TMPRSS6: variants seen among roughly 807,000 people sequenced by gnomAD.
TMPRSS6 encodes the protein transmembrane serine protease 6.
In TMPRSS6, 67 loss-of-function variants were observed where a neutral mutation model predicts 101.5. That is an observed-to-expected ratio of 0.66 (90% CI 0.54 to 0.81). The LOEUF is 0.81. TMPRSS6 is among the 30% of genes least tolerant of loss of function. The pLI is 0.00. For missense variants in TMPRSS6, 1,034 were observed against 1,088.7 expected (o/e 0.95, Z 0.71); for synonymous variants, 453 against 464.9 (o/e 0.97, Z 0.33).
chr22:37,075,064 C>A, intron 11 of TMPRSS6, 71 bp downstream of exon 11: 3 of 1,611,678 alleles, frequency 1.9e-6, no homozygotes, highest in East Asian at 2.2e-5. Flanking sequence ...CCACAGCCCC[C>A]TTGGTGGTTC....
intron 2 of TMPRSS6, among the ~76,000 whole-genome samples, chr22:37,102,901 A>G (rs1261242359): frequency 6.6e-6 from 1 of 152,046 alleles, no homozygotes; most frequent in Non-Finnish European, 1.5e-5. Context: ...GGCGATGTTT[A>G]TGCTCTGTGG....
chr22:37,092,028 G>A (rs139099607), intron 6 of TMPRSS6, among the ~76,000 whole-genome samples: 136 of 152,114 alleles, frequency 8.9e-4, no homozygotes, highest in African/African-American at 3.0e-3. Context: ...TCTTCCTAGG[G>A]TTTTGTGTTC....
intron 13 of TMPRSS6, among the ~76,000 whole-genome samples, chr22:37,072,862 G>A (rs6000552): frequency 2.1e-5 from 3 of 145,034 alleles, no homozygotes; most frequent in Non-Finnish European, 4.7e-5. Flanking sequence ...ATGGATGATG[G>A]ATGGATGATG....
Position 37,101,057 on chromosome 22 carries a change from C to A in TMPRSS6, c.202+2159G>T, listed in dbSNP as rs1930271055. Among the ~76,000 whole-genome samples, 1 of 152,002 alleles carries A rather than the reference C, an allele frequency of 6.6e-6. No individual in the cohort carries two copies. The highest frequency in any genetic ancestry group is 2.4e-5 in the African/African-American group (1 of 41,360). ...AGAGGGAGCCAGGTTGGAAAGGGCA[C>A]AGAGAGACTGGGTGTGTGGACTGAC... On this transcript the variant is annotated intron_variant, in intron 2 of 17. Transcript: ENST00000676104. This position sits in a 1 kb window ranked among gnomAD's most constrained non-coding sequence, Gnocchi z 4.1.
chr22:37,104,544 T>C lies in TMPRSS6; in HGVS notation c.-1-1126A>G, dbSNP rs187552178. On this transcript the variant is annotated intron_variant, in intron 1 of 17. Coordinates refer to ENST00000676104, the MANE Select transcript of TMPRSS6 (RefSeq NM_001374504.1). The stretch of plus-strand genomic sequence containing the variant: ...GCAAACATCCCAATGTATTTGGCCT[T>C]TGACGCAGGTTTCCCCACAGTACAG... 3.4e-3 allele frequency among the ~76,000 whole-genome samples: 521 copies of C among 152,318 alleles called. 2 individuals are homozygous for C. Among genetic ancestry groups the C allele is most frequent in the African/African-American group, 0.012 (492 of 41,566 alleles).
At chr22:37,067,455 G>A (rs938814500) in intron 16 of TMPRSS6, among the ~76,000 whole-genome samples, 36 of 151,996 alleles carry the variant, frequency 2.4e-4, no homozygotes, top group East Asian at 3.9e-4. Flanking sequence ...CAACAAGAGC[G>A]AAACTCTGTC....
chr22:37,076,840 G>C (rs1319891078), intron 10 of TMPRSS6, among the ~76,000 whole-genome samples: 1 of 152,212 alleles, frequency 6.6e-6, no homozygotes, highest in East Asian at 1.9e-4. Flanking sequence ...TGCAGGGAGA[G>C]CTGAAAATGC....
At chr22:37,078,693 GGAA>G (rs1927893406) in intron 10 of TMPRSS6, among the ~76,000 whole-genome samples, 1 of 79,846 alleles carries the variant, frequency 1.3e-5, no homozygotes, top group Admixed American at 1.0e-4. Flanking sequence ...AAGAGGAAGA[GGAA>G]GAGGAAGAGG....
intron 3 of TMPRSS6, 152 bp from the exon 4 acceptor site, chr22:37,096,867 A>T: frequency 2.6e-6 from 2 of 778,584 alleles, no homozygotes; most frequent in Non-Finnish European, 4.4e-6. Flanking sequence ...CACAGTGCTG[A>T]GTGGCCGGGC....
rs1928000824 is a variant in TMPRSS6 at position 37,078,970 on chromosome 22, AG to A, written c.1197-3691del. Among the ~76,000 whole-genome samples the A allele has an allele frequency of 1.2e-4, 3 of 25,306 alleles. No homozygotes were observed. In the East Asian group the frequency reaches 2.1e-3, roughly 18 times the overall value. 16.6% of individuals were successfully genotyped at this position (25,306 alleles called of 152,430 possible). ...GAAGGAGAAAAAGAGAAAGAAAGAAAGAAAAAGAAAGAAAGAAAGAAAGAAA... is the reference window on the plus strand; with the variant it reads ...GAAGGAGAAAAAGAGAAAGAAAGAAAAAAAAGAAAGAAAGAAAGAAAGAAA... On this transcript the variant is annotated intron_variant, in intron 10 of 17. Transcript: ENST00000676104.
intron 5 of TMPRSS6, 105 bp from the exon 6 acceptor site, chr22:37,095,697 T>C (rs1929692111): frequency 7.5e-7 from 1 of 1,332,474 alleles, no homozygotes; most frequent in Non-Finnish European, 1.0e-6. Flanking sequence ...GAGCCAGCCT[T>C]GTCTGAGATT....
At chr22:37,108,118 T>C (rs764823408) in intron 1 of TMPRSS6, among the ~76,000 whole-genome samples, 15 of 152,274 alleles carry the variant, frequency 9.9e-5, no homozygotes, top group South Asian at 8.3e-4. Flanking sequence ...TGGACTTCCA[T>C]TGGTGAGAAA....
At position 37,066,226 on chromosome 22, in the gene TMPRSS6, C is replaced by CACCTG; in HGVS notation, c.2258_2262dup (p.Gly755GlnfsTer41). The CACCTG allele has an allele frequency of 6.2e-7, 1 of 1,611,394 alleles. No individual in the cohort carries two copies. The highest frequency in any genetic ancestry group is 8.5e-7 in the Non-Finnish European group (1 of 1,178,942). On this transcript the variant is annotated frameshift_variant, in exon 18 of 18. Transcript: ENST00000676104. LOFTEE classifies it high-confidence loss of function. ...CTGAGTGCCTTGCACACCAGCGGAC[C>CACCTG]ACCTGAGTCACCCTGAAAGGGGGAA...
chr22:37,094,498 CTAGT>C (rs958505859), intron 6 of TMPRSS6, among the ~76,000 whole-genome samples: 4 of 150,916 alleles, frequency 2.7e-5, no homozygotes, highest in African/African-American at 7.4e-5. Flanking sequence ...AGACAGCTAG[CTAGT>C]TAGATAACTA....
Position 37,069,368 on chromosome 22 carries a change from G to A in TMPRSS6, c.1842-24C>T, listed in dbSNP as rs1330139508. 27 of 1,468,140 alleles carry A rather than the reference G, an allele frequency of 1.8e-5. No homozygotes were observed. Among genetic ancestry groups the A allele is most frequent in the Non-Finnish European group, 2.4e-5 (26 of 1,082,742 alleles). 90.9% of individuals were successfully genotyped at this position (1,468,140 alleles called of 1,614,324 possible). Reference sequence around the variant, plus strand: ...TGCTGGGGTGGGGTGGGGTGGGGTGGGGTGGGGTGAGGTGAGGTGGGAGGA... The same window carrying A: ...TGCTGGGGTGGGGTGGGGTGGGGTGAGGTGGGGTGAGGTGAGGTGGGAGGA... On this transcript the variant is annotated intron_variant, in intron 15 of 17. Transcript: ENST00000676104. The surrounding 1 kb of genome is among the most constrained non-coding windows in gnomAD (Gnocchi z 4.8).
chr22:37,095,884 C>A (rs200821075), intron 5 of TMPRSS6, 22 bp downstream of exon 5: 2 of 1,613,684 alleles, frequency 1.2e-6, no homozygotes, highest in Non-Finnish European at 8.5e-7. Context: ...GCCAACCCCA[C>A]GTTTCCACTC....
intron 8 of TMPRSS6, 119 bp from the exon 9 acceptor site, chr22:37,084,958 G>T: frequency 1.3e-6 from 1 of 752,370 alleles, no homozygotes; most frequent in Non-Finnish European, 2.3e-6. Flanking sequence ...GTGGTTGAAT[G>T]TGATTGTGTG....
chr22:37,105,537 G>A (rs971730920), intron 1 of TMPRSS6, among the ~76,000 whole-genome samples: 5 of 152,228 alleles, frequency 3.3e-5, no homozygotes, highest in Non-Finnish European at 7.3e-5. Flanking sequence ...GGCCACCTCT[G>A]ACTGAGGTGG....
At chr22:37,079,025 G>T (rs376385054) in intron 10 of TMPRSS6, among the ~76,000 whole-genome samples, 2 of 102,764 alleles carry the variant, frequency 1.9e-5, no homozygotes, top group Non-Finnish European at 4.7e-5. Flanking sequence ...AAGAGAAAGA[G>T]AGAAAGAAAG....
Sources: allele counts gnomAD v4.1 joint callset (sites outside exome capture counted in the v4.1 genomes callset), GRCh38; gene constraint gnomAD v4.1.1; non-coding constraint Gnocchi (gnomAD v3.1); transcripts MANE v1.5; gene names NCBI Gene and HGNC (gene_info 2026-07-23, HGNC 2026-07-21).